ZNF540: variants seen among roughly 807,000 people sequenced by gnomAD.
ZNF540 encodes the protein zinc finger protein 540.
In ZNF540, 3 loss-of-function variants were observed where a neutral mutation model predicts 11.8. That is an observed-to-expected ratio of 0.25 (90% CI 0.12 to 0.65). The LOEUF (loss-of-function observed/expected upper bound fraction) is 0.65. Among genes scored for constraint, ZNF540 ranks in the 30% least tolerant of loss-of-function variants. The pLI is 0.83. For missense variants in ZNF540, 709 were observed against 793.1 expected, an observed-to-expected ratio of 0.89 and a Z score of 1.27; for synonymous variants, 247 against 259.0, an observed-to-expected ratio of 0.95 and a Z score of 0.45.
intron 1 of ZNF540, chr19:37,563,991 C>T (rs1476579419): frequency 6.6e-6 from 1 of 152,058 alleles, no homozygotes; most frequent in African/African-American, 2.4e-5. Context: ...TCTTAAAAAA[C>T]AAAACAACAA....
intron 1 of ZNF540, among the ~76,000 whole-genome samples, chr19:37,556,424 C>T (rs2042660137): frequency 6.6e-6 from 1 of 152,196 alleles, no homozygotes; most frequent in African/African-American, 2.4e-5. Flanking sequence ...CTCTGTTGGC[C>T]TTTTTGATGC....
intron 1 of ZNF540, among the ~76,000 whole-genome samples, chr19:37,582,293 C>T (rs1450859385): frequency 6.6e-6 from 1 of 152,192 alleles, no homozygotes; most frequent in Non-Finnish European, 1.5e-5. Flanking sequence ...ATCCAATAGC[C>T]AATTTTCAGC....
chr19:37,606,263 C>T (rs566122658), intron 4 of ZNF540, among the ~76,000 whole-genome samples: 10 of 152,274 alleles, frequency 6.6e-5, no homozygotes, highest in African/African-American at 2.2e-4. Context: ...GATATATTCT[C>T]TTTTATTGCT....
In ZNF540 at chr19:37,612,825, A is replaced by G. The variant is rs1228073827; in HGVS notation, c.1545A>G (p.Arg515=). 1 of 1,614,088 alleles carries G rather than the reference A, an allele frequency of 6.2e-7. No homozygotes were observed. Residue 515 remains arginine (R), a synonymous_variant, in exon 5 of 5, where the codon AGA becomes AGG. Transcript: ENST00000316433. ...GTTTCTACCTTACTGAACACCAGAG[A>G]ATTCACACTGGTGAAAAGCCCTATA... The part of the protein sequence containing the change: ...RFGFYLTEHQ[R]IHTGEKPYKC...
chr19:37,610,560 T>C (rs1404679243), intron 4 of ZNF540, among the ~76,000 whole-genome samples: 3 of 152,098 alleles, frequency 2.0e-5, no homozygotes, highest in Non-Finnish European at 2.9e-5. Flanking sequence ...TGAGAAGGAG[T>C]TGGCCTTTCA....
chr19:37,555,542 G>A lies in ZNF540; in HGVS notation c.-73+3877G>A, dbSNP rs956697468. 4 of 231,430 alleles carry A rather than the reference G, an allele frequency of 1.7e-5. No homozygotes were observed. The Admixed American group carries it at 2.1e-4, about 12-fold the overall frequency. 14.3% of individuals were successfully genotyped at this position (231,430 alleles called of 1,614,324 possible). On this transcript the variant is annotated intron_variant, in intron 1 of 4. Coordinates refer to the ZNF540 transcript ENST00000592533. Reference sequence around the variant, plus strand: ...AGTTGAACATGCTTTGATACCAGGGGATGTTGTTTTCTCGTTCCTGTTGGC... The same window carrying A: ...AGTTGAACATGCTTTGATACCAGGGAATGTTGTTTTCTCGTTCCTGTTGGC...
At chr19:37,610,703 T>C (rs2044121531) in intron 4 of ZNF540, among the ~76,000 whole-genome samples, 1 of 152,174 alleles carries the variant, frequency 6.6e-6, no homozygotes. Flanking sequence ...GAGGACAATG[T>C]CTTTGAAAGA....
At chr19:37,571,520 AC>A (rs1380482775) in intron 1 of ZNF540, among the ~76,000 whole-genome samples, 1 of 152,118 alleles carries the variant, frequency 6.6e-6, no homozygotes, top group East Asian at 1.9e-4. Context: ...AAACAAAAAA[AC>A]AAATTCAAAC....
intron 1 of ZNF540, among the ~76,000 whole-genome samples, chr19:37,576,194 A>G (rs2043237573): frequency 6.6e-6 from 1 of 152,202 alleles, no homozygotes; most frequent in Admixed American, 6.5e-5. Context: ...ATCCACCAAT[A>G]ATGACACAGC....
chr19:37,597,273 C>G (rs772021339), intron 1 of ZNF540, among the ~76,000 whole-genome samples: 1 of 151,870 alleles, frequency 6.6e-6, no homozygotes, highest in Admixed American at 6.6e-5. Flanking sequence ...GGGGACTCTT[C>G]TGATTGAGGG....
In ZNF540 at chr19:37,612,057, T is replaced by G. The variant is rs756378388; in HGVS notation, c.777T>G (p.Asn259Lys). 6 of 1,612,336 alleles carry G rather than the reference T, an allele frequency of 3.7e-6. No individual in the cohort carries two copies. In the South Asian group the frequency reaches 5.5e-5, roughly 15 times the overall value. The change falls in exon 5 of 5, where the codon AAT (asparagine) becomes AAG (lysine). Residue 259 changes from asparagine to lysine, a missense_variant. By Grantham distance (94) the Asn-to-Lys change is moderately conservative (BLOSUM62 0). Transcript: ENST00000316433. Reference protein sequence around the residue: ...GKTFTLYPQLNRHQKIHTGKK... With the variant: ...GKTFTLYPQLKRHQKIHTGKK... Reference sequence around the variant, plus strand: ...CCTTTACTCTTTACCCACAACTTAATCGACATCAGAAAATTCACACTGGTA... The same window carrying G: ...CCTTTACTCTTTACCCACAACTTAAGCGACATCAGAAAATTCACACTGGTA...
intron 3 of ZNF540, 74 bp downstream of exon 3, chr19:37,599,826 C>G (rs1331481264): frequency 2.1e-6 from 3 of 1,447,758 alleles, no homozygotes; most frequent in Non-Finnish European, 2.8e-6. Flanking sequence ...AAATTTAGGA[C>G]TAATTATTAA....
chr19:37,563,719 AATAC>A (rs2042751815), intron 1 of ZNF540: 1 of 144,476 alleles, frequency 6.9e-6, no homozygotes, highest in Non-Finnish European at 1.5e-5. Context: ...ATACATGTGG[AATAC>A]ATACACGTGG....
intron 1 of ZNF540, chr19:37,560,982 C>T (rs2042709461): frequency 7.5e-6 from 1 of 133,582 alleles, no homozygotes; most frequent in South Asian, 2.3e-4. Flanking sequence ...GAGGCCAAGG[C>T]AGGAGGATCA....
chr19:37,565,023 G>A, intron 1 of ZNF540: 1 of 1,613,458 alleles, frequency 6.2e-7, no homozygotes, highest in Non-Finnish European at 8.5e-7. Flanking sequence ...TTCTCACCAT[G>A]AATTTTCTCA....
In ZNF540 at chr19:37,598,428, G is replaced by A. The variant is rs2044012632; in HGVS notation, c.-20G>A. 6.2e-7 allele frequency: 1 copy of A among 1,613,916 alleles called. No individual in the cohort carries two copies. Among genetic ancestry groups the A allele is most frequent in the Non-Finnish European group, 8.5e-7 (1 of 1,179,916 alleles). On this transcript the variant is annotated 5_prime_UTR_variant, in exon 2 of 5. Transcript: ENST00000316433. ...GAATAATCCTGCGGAAGACTGAGCA[G>A]TTCTTGTGAGTGTAAAACCATGGCC...
intron 1 of ZNF540, chr19:37,565,183 T>G: frequency 1.9e-6 from 3 of 1,611,168 alleles, no homozygotes; most frequent in Non-Finnish European, 2.5e-6. Context: ...AGGGCTTCTC[T>G]CCGGTATGAA....
Position 37,598,362 on chromosome 19 carries a change from C to A in ZNF540, c.-72-14C>A. 7.1e-7 allele frequency: 1 copy of A among 1,403,778 alleles called. No individual in the cohort carries two copies. Among genetic ancestry groups the A allele is most frequent in the Non-Finnish European group, 9.9e-7 (1 of 1,006,680 alleles). 87.0% of individuals were successfully genotyped at this position (1,403,778 alleles called of 1,614,324 possible). ...CCTAGTCTCACTGTCTCATTTTTTT[C>A]TCCTCTAACTCAGGCTTCTCAGAAC... is the stretch of plus-strand genomic sequence containing the variant. On this transcript the variant is annotated splice_polypyrimidine_tract_variant and intron_variant, in intron 1 of 4. Transcript: ENST00000316433.
upstream of ZNF540, among the ~76,000 whole-genome samples, chr19:37,590,987 T>C (rs897159374): frequency 6.6e-6 from 1 of 152,180 alleles, no homozygotes; most frequent in Non-Finnish European, 1.5e-5. Flanking sequence ...GCAACCAAGA[T>C]TGTTAGCATA....
Sources: gnomAD v4.1 joint callset for allele counts (sites outside exome capture counted in the v4.1 genomes callset) on GRCh38, gnomAD v4.1.1 for gene constraint, MANE v1.5 for transcripts, NCBI Gene and HGNC (gene_info 2026-07-23, HGNC 2026-07-21) for gene names.